Variants in ACSF3 observed in about 807,000 individuals in gnomAD.
ACSF3 encodes the protein malonate--CoA ligase ACSF3, mitochondrial.
In ACSF3, 78 loss-of-function variants were observed where a neutral mutation model predicts 53.2. The ratio of observed to expected loss-of-function variants is 1.47; its 90% CI spans 1.22 to 1.77. The LOEUF (loss-of-function observed/expected upper bound fraction) is 1.77, where lower values mean the gene tolerates loss of function less well. ACSF3 is among the 40% of genes most tolerant of loss of function. ACSF3 has a pLI of 0.00. For synonymous variants in ACSF3, 414 were observed against 333.1 expected (o/e 1.24, Z -2.65); for missense variants, 937 against 771.1 (o/e 1.22, Z -2.55).
chr16:89,112,004 T>C (rs1350971475), intron 4 of ACSF3, 88 bp from the exon 5 acceptor site: 1 of 1,293,334 alleles, frequency 7.7e-7, no homozygotes, highest in Non-Finnish European at 1.1e-6. Flanking sequence ...ATGTGAACCA[T>C]GAGAACGCTG....
At chr16:89,112,357 T>A in intron 5 of ACSF3, 111 bp downstream of exon 5, 2 of 1,402,746 alleles carry the variant, frequency 1.4e-6, no homozygotes, top group Admixed American at 1.7e-5. Flanking sequence ...GCTTTCCATT[T>A]CCTTTCAATG....
intron 7 of ACSF3, among the ~76,000 whole-genome samples, chr16:89,121,274 T>C (rs1906582719): frequency 6.6e-6 from 1 of 152,216 alleles, no homozygotes; most frequent in African/African-American, 2.4e-5. Flanking sequence ...GAGGCCGTTG[T>C]TGTTGATGGG....
At position 89,155,461 on chromosome 16, in the gene ACSF3, T is replaced by G; in HGVS notation, c.*1254T>G. On this transcript the variant is annotated 3_prime_UTR_variant, in exon 11 of 11. Transcript: ENST00000614302. ...TTGAGCATGTCGCCCACCAAGCTTGTCTGAGGCCACAGAGCAGCGTCCCAG... is the reference window on the plus strand; with the variant it reads ...TTGAGCATGTCGCCCACCAAGCTTGGCTGAGGCCACAGAGCAGCGTCCCAG... The G allele has an allele frequency of 2.2e-6, 1 of 454,124 alleles. No homozygotes were observed. The highest frequency in any genetic ancestry group is 4.4e-6 in the Non-Finnish European group (1 of 226,784). The allele number at this position is 454,124 out of a possible 1,614,324, so 28.1% of individuals were successfully genotyped here. A position where few individuals can be genotyped will look rare whatever the true frequency, so the allele number is the denominator to read the frequency against.
At chr16:89,142,951 A>G (rs1912149164) in intron 8 of ACSF3, among the ~76,000 whole-genome samples, 1 of 152,222 alleles carries the variant, frequency 6.6e-6, no homozygotes, top group Non-Finnish European at 1.5e-5. Flanking sequence ...TTTGTTCTTT[A>G]ACAAGTTATT....
chr16:89,128,758 C>A (rs532726882), intron 7 of ACSF3, among the ~76,000 whole-genome samples: 3 of 152,148 alleles, frequency 2.0e-5, no homozygotes, highest in African/African-American at 7.2e-5. Flanking sequence ...TATTTCAATT[C>A]TTTTAAATTT....
chr16:89,125,355 A>AAAG (rs1319364642), intron 7 of ACSF3, among the ~76,000 whole-genome samples: 8 of 151,542 alleles, frequency 5.3e-5, no homozygotes. Context: ...AAAAAAAAAA[A>AAAG]AAAAGAATTA....
At chr16:89,114,833 A>G (rs2151456499) in intron 6 of ACSF3, 3 of 378,702 alleles carry the variant, frequency 7.9e-6, no homozygotes. Context: ...TCCAGACCAC[A>G]TCAGCAGTGG....
rs554194567 is a variant in ACSF3 at position 89,133,239 on chromosome 16, C to G, written c.1343C>G (p.Thr448Ser). Residue 448 changes from threonine to serine, a missense_variant, in exon 8 of 11, where the codon ACC becomes AGC. Coordinates refer to ENST00000614302, the MANE Select transcript of ACSF3 (RefSeq NM_001243279.3). The part of the protein sequence containing the change: ...NKPEETKSAF[T>S]LDGWFKTGDT... Reference sequence around the variant, plus strand: ...CCAGAAGAAACTAAGAGTGCATTCACCCTGGATGGCTGGTTTAAGACAGGT... The same window carrying G: ...CCAGAAGAAACTAAGAGTGCATTCAGCCTGGATGGCTGGTTTAAGACAGGT... 5.6e-6 allele frequency: 9 copies of G among 1,614,024 alleles called. No individual in the cohort carries two copies. The highest frequency in any genetic ancestry group is 1.7e-5 in the Admixed American group (1 of 60,012).
intron 2 of ACSF3, among the ~76,000 whole-genome samples, chr16:89,099,989 A>C (rs995847248): frequency 6.6e-6 from 1 of 152,078 alleles, no homozygotes; most frequent in Non-Finnish European, 1.5e-5. Context: ...AAAAAAAAAA[A>C]AAAAAGCTGG....
At chr16:89,120,576 G>A (rs897392555) in intron 6 of ACSF3, among the ~76,000 whole-genome samples, 6 of 152,222 alleles carry the variant, frequency 3.9e-5, no homozygotes, top group Admixed American at 2.6e-4. Flanking sequence ...CTGTGGCATC[G>A]GCTGGGCCTG....
At chr16:89,109,072 A>C (rs972058138) in intron 4 of ACSF3, among the ~76,000 whole-genome samples, 1 of 151,838 alleles carries the variant, frequency 6.6e-6, no homozygotes, top group Non-Finnish European at 1.5e-5. Flanking sequence ...GTCTATACTA[A>C]AAATACAAAA....
intron 4 of ACSF3, among the ~76,000 whole-genome samples, chr16:89,107,356 G>T (rs965752645): frequency 4.6e-5 from 7 of 150,564 alleles, no homozygotes; most frequent in Admixed American, 2.0e-4. Flanking sequence ...GTCCCGTTGC[G>T]TGCATGCTGT....
At chr16:89,106,979 C>T (rs1040087566) in intron 4 of ACSF3, among the ~76,000 whole-genome samples, 1 of 152,218 alleles carries the variant, frequency 6.6e-6, no homozygotes, top group Non-Finnish European at 1.5e-5. Flanking sequence ...AGGCTCAGAT[C>T]AGTCACTCGT....
In ACSF3 at chr16:89,145,258, T is replaced by C. The variant is rs773650994; in HGVS notation, c.1367-9T>C. ...GGATGGCCAGTTAACCAGAGCCCCT[T>C]TTCCTCAGGGGACACCGTGGTGTTT... On this transcript the variant is annotated splice_polypyrimidine_tract_variant and intron_variant, in intron 8 of 10. Coordinates refer to ENST00000614302, the MANE Select transcript of ACSF3 (RefSeq NM_001243279.3). 3.7e-6 allele frequency: 6 copies of C among 1,613,714 alleles called. No homozygotes were observed. The highest frequency in any genetic ancestry group is 4.2e-6 in the Non-Finnish European group (5 of 1,179,928).
chr16:89,133,765 G>T (rs1299640555), intron 8 of ACSF3, among the ~76,000 whole-genome samples: 1 of 152,208 alleles, frequency 6.6e-6, no homozygotes, highest in Non-Finnish European at 1.5e-5. Context: ...TTTGCAGTGC[G>T]GCTGTTTGTT....
intron 6 of ACSF3, among the ~76,000 whole-genome samples, chr16:89,117,636 A>G (rs1905392742): frequency 6.6e-6 from 1 of 151,540 alleles, no homozygotes; most frequent in South Asian, 2.1e-4. Context: ...CGCCGTCCAC[A>G]CCAAGAGCGC....
At chr16:89,115,262 C>T (rs1567704787) in intron 6 of ACSF3, 1 of 153,112 alleles carries the variant, frequency 6.5e-6, no homozygotes, top group Non-Finnish European at 1.5e-5. Context: ...TCTTAAGAAA[C>T]ATCATCACAG....
In ACSF3 at chr16:89,114,493, A is replaced by G; in HGVS notation, c.1126+6A>G. 2 of 1,610,630 alleles carry G rather than the reference A, an allele frequency of 1.2e-6. No homozygotes were observed. The highest frequency in any genetic ancestry group is 1.7e-6 in the Non-Finnish European group (2 of 1,179,980). On this transcript the variant is annotated splice_donor_region_variant and intron_variant, in intron 6 of 10. Transcript: ENST00000614302. ...CACTGCCGTGCGCCTGCCAGGTACG[A>G]GCACTTCCCACAGCTGCGTTCCTCT...
At chr16:89,134,359 C>T (rs1909979160) in intron 8 of ACSF3, among the ~76,000 whole-genome samples, 1 of 152,186 alleles carries the variant, frequency 6.6e-6, no homozygotes, top group African/African-American at 2.4e-5. Context: ...TTAGGATGAA[C>T]GTGGGTGCTT....
Sources: allele counts gnomAD v4.1 joint callset (sites outside exome capture counted in the v4.1 genomes callset), GRCh38; gene constraint gnomAD v4.1.1; transcripts MANE v1.5; gene names NCBI Gene and HGNC (gene_info 2026-07-23, HGNC 2026-07-21).